The following ZNF608 variants were observed in gnomAD, a reference collection of about 807,000 sequenced individuals.
ZNF608 encodes the protein renal carcinoma antigen NY-REN-36.
Under a neutral mutation model 109.0 loss-of-function variants are expected in ZNF608, and 12 were observed. The observed-to-expected ratio is 0.11, with a 90% CI of 0.07 to 0.18. The LOEUF (loss-of-function observed/expected upper bound fraction) is 0.18. Ranked by LOEUF, ZNF608 falls within the 10% of genes least tolerant of loss-of-function variation. ZNF608 has a pLI of 1.00. For missense variants in ZNF608, 1,707 were observed against 1,879.3 expected, an observed-to-expected ratio of 0.91 and a Z score of 1.70; for synonymous variants, 732 against 717.4, an observed-to-expected ratio of 1.02 and a Z score of -0.33.
intron 3 of ZNF608, among the ~76,000 whole-genome samples, chr5:124,669,176 AG>A (rs1751609462): frequency 6.6e-6 from 1 of 152,160 alleles, no homozygotes; most frequent in Non-Finnish European, 1.5e-5. Flanking sequence ...TTCATAAGAC[AG>A]GGACACGTGG....
intron 3 of ZNF608, among the ~76,000 whole-genome samples, chr5:124,683,069 A>G (rs943773625): frequency 6.6e-6 from 1 of 151,662 alleles, no homozygotes; most frequent in African/African-American, 2.4e-5. Flanking sequence ...CTGGGAAGCA[A>G]GCTGCCATGT....
In ZNF608 at chr5:124,744,561, A is replaced by T; in HGVS notation, c.429T>A (p.Pro143=). Residue 143 remains proline, a synonymous_variant, in exon 2 of 10, where the codon CCT becomes CCA. Coordinates refer to ENST00000513986, the MANE Select transcript of ZNF608 (RefSeq NM_020747.3). This position sits in a 1 kb window ranked among gnomAD's most constrained non-coding sequence, Gnocchi z 4.5. ...TGKRQEVQGR[P]GEATGMNSAL... ...CTGAATTCATGCCAGTTGCCTCTCC[A>T]GGGCGCCCTTGGACTTCCTGCCTCT... The T allele has an allele frequency of 6.2e-7, 1 of 1,614,164 alleles. No homozygotes were observed. The highest frequency in any genetic ancestry group is 8.5e-7 in the Non-Finnish European group (1 of 1,180,030).
intron 2 of ZNF608, among the ~76,000 whole-genome samples, chr5:124,715,790 C>T (rs1336616809): frequency 3.3e-5 from 5 of 152,160 alleles, no homozygotes; most frequent in East Asian, 3.9e-4. Flanking sequence ...ACATATCTTA[C>T]GTAATGAAAA....
chr5:124,717,648 T>C (rs1753756995), intron 2 of ZNF608, among the ~76,000 whole-genome samples: 1 of 152,160 alleles, frequency 6.6e-6, no homozygotes, highest in Admixed American at 6.5e-5. Flanking sequence ...TAAAGAGCAA[T>C]AAAATGAGCT....
chr5:124,728,501 T>A (rs1271444722), intron 2 of ZNF608, among the ~76,000 whole-genome samples: 1 of 152,100 alleles, frequency 6.6e-6, no homozygotes. Context: ...AGGAAGCACC[T>A]TCTCTTGACC....
At position 124,646,993 on chromosome 5, in the gene ZNF608, T is replaced by C. The variant is rs768268162; in HGVS notation, c.3391A>G (p.Ser1131Gly). The stretch of plus-strand genomic sequence containing the variant: ...CCCAGCTCTTTCAAGGGGAGCTCAC[T>C]TTTCCTTTCACAGTCTCCTCTCCCA... Reference protein sequence around the residue: ...QTGRGDCERKSELPLKELGKE... With the variant: ...QTGRGDCERKGELPLKELGKE... The change falls in exon 5 of 10, where the codon AGT becomes GGT. Residue 1131 changes from serine (S) to glycine (G), a missense_variant. Transcript: ENST00000513986. 1 of 1,614,118 alleles carries C rather than the reference T, an allele frequency of 6.2e-7. No individual in the cohort carries two copies. The highest frequency in any genetic ancestry group is 8.5e-7 in the Non-Finnish European group (1 of 1,179,996).
chr5:124,693,972 A>ATTTTTTTTTTTTTTTTTTT (rs1561564262), intron 3 of ZNF608, among the ~76,000 whole-genome samples: 3 of 23,300 alleles, frequency 1.3e-4, no homozygotes, highest in African/African-American at 2.3e-4. Context: ...CATTTCATTA[A>ATTTTTTTTTTTTTTTTTTT]TCTTTTTTTT....
chr5:124,680,800 A>C (rs1324954972), intron 3 of ZNF608, among the ~76,000 whole-genome samples: 3 of 152,224 alleles, frequency 2.0e-5, no homozygotes, highest in Non-Finnish European at 4.4e-5. Context: ...GAGATGCTTC[A>C]TTCATGAAAC....
chr5:124,712,505 T>C (rs1363457430), intron 2 of ZNF608, among the ~76,000 whole-genome samples: 1 of 151,890 alleles, frequency 6.6e-6, no homozygotes, highest in African/African-American at 2.4e-5. Context: ...ACCCCAATAG[T>C]GATGGGGCAC....
intron 2 of ZNF608, among the ~76,000 whole-genome samples, chr5:124,704,535 T>TC (rs1423277006): frequency 2.0e-5 from 3 of 152,218 alleles, no homozygotes; most frequent in Admixed American, 6.5e-5. Context: ...TTACAGCCAC[T>TC]CCCAGAGGTG....
chr5:124,639,126 T>C lies in ZNF608; in HGVS notation c.4532+7A>G, dbSNP rs767899538. The C allele has an allele frequency of 5.2e-5, 84 of 1,613,440 alleles. No homozygotes were observed. Among genetic ancestry groups the C allele is most frequent in the East Asian group, 1.3e-4 (6 of 44,888 alleles). ...TACAACTAATTAAAAATGTAGAGGA[T>C]ATTTACCTTCTTTGTCCAGGAAACA... On this transcript the variant is annotated splice_region_variant and intron_variant, in intron 9 of 9. Coordinates refer to ENST00000513986, the MANE Select transcript of ZNF608 (RefSeq NM_020747.3).
intron 2 of ZNF608, among the ~76,000 whole-genome samples, chr5:124,724,496 C>CAA (rs5871102): frequency 0.088 from 8,749 of 99,802 alleles, 878 homozygotes; most frequent in East Asian, 0.2. Context: ...GCAAAGAGTG[C>CAA]AAAAAAAAAA....
intron 2 of ZNF608, among the ~76,000 whole-genome samples, chr5:124,703,823 T>C (rs1753152594): frequency 6.6e-6 from 1 of 152,146 alleles, no homozygotes; most frequent in African/African-American, 2.4e-5. Context: ...CTAATATTGA[T>C]GACATATCCT....
Position 124,683,222 on chromosome 5 carries a change from C to A in ZNF608, c.1162+17792G>T, listed in dbSNP as rs112852875. Among the ~76,000 whole-genome samples, 1,331 of 152,318 alleles carry A rather than the reference C, an allele frequency of 8.7e-3. 13 individuals are homozygous for A. The highest frequency in any genetic ancestry group is 0.017 in the Middle Eastern group (5 of 294). On this transcript the variant is annotated intron_variant, in intron 3 of 9. Coordinates refer to ENST00000513986, the MANE Select transcript of ZNF608 (RefSeq NM_020747.3). ...GGATGGGGTCTTCAGCTGACAGTAG[C>A]ACCTGCCTACAGCCTGATTGAAACC...
intron 3 of ZNF608, among the ~76,000 whole-genome samples, chr5:124,668,731 G>T (rs959480786): frequency 1.3e-5 from 2 of 152,128 alleles, no homozygotes; most frequent in African/African-American, 2.4e-5. Context: ...CCACGCCCAG[G>T]AGCCTTTCGG....
At chr5:124,695,181 G>A (rs1752798204) in intron 3 of ZNF608, among the ~76,000 whole-genome samples, 1 of 152,086 alleles carries the variant, frequency 6.6e-6, no homozygotes, top group East Asian at 1.9e-4. Flanking sequence ...CTTGGATAGG[G>A]GTAACGAAAT....
chr5:124,715,143 A>T (rs1023890869), intron 2 of ZNF608, among the ~76,000 whole-genome samples: 3 of 152,212 alleles, frequency 2.0e-5, no homozygotes, highest in Non-Finnish European at 4.4e-5. Context: ...GGGGTACTTC[A>T]AGAATTAAAT....
chr5:124,641,316 C>A lies in ZNF608; in HGVS notation c.4386G>T (p.Thr1462=). Residue 1462 remains threonine (T), a synonymous_variant, in exon 8 of 10, where the codon ACG becomes ACT. Transcript: ENST00000513986. ...HSPFGQRHLH[T]HHHTHVGMGY... Reference sequence around the variant, plus strand: ...CCATGCCAACGTGGGTGTGGTGGTGCGTGTGCAGGTGCCGCTGGCCGAAGG... The same window carrying A: ...CCATGCCAACGTGGGTGTGGTGGTGAGTGTGCAGGTGCCGCTGGCCGAAGG... 6.2e-7 allele frequency: 1 copy of A among 1,613,914 alleles called. No homozygotes were observed. Among genetic ancestry groups the A allele is most frequent in the East Asian group, 2.2e-5 (1 of 44,870 alleles).
In ZNF608 at chr5:124,744,846, A is replaced by G; in HGVS notation, c.144T>C (p.Phe48=). The change falls in exon 2 of 10, where the codon TTT becomes TTC. Residue 48 remains phenylalanine, a synonymous_variant. Coordinates refer to ENST00000513986, the MANE Select transcript of ZNF608 (RefSeq NM_020747.3). The surrounding 1 kb of genome is among the most constrained non-coding windows in gnomAD (Gnocchi z 4.5). ...DADLEKDRQK[F]EMNNSTTTTS... ...TGGTGGTGGTGGAATTATTCATCTC[A>G]AATTTCTGTCTGTCCTTCTCCAAAT... 6.2e-7 allele frequency: 1 copy of G among 1,614,160 alleles called. No individual in the cohort carries two copies. The highest frequency in any genetic ancestry group is 8.5e-7 in the Non-Finnish European group (1 of 1,180,014).
Sources: allele counts gnomAD v4.1 joint callset (sites outside exome capture counted in the v4.1 genomes callset), GRCh38; gene constraint gnomAD v4.1.1; non-coding constraint Gnocchi (gnomAD v3.1); transcripts MANE v1.5; gene names NCBI Gene and HGNC (gene_info 2026-07-23, HGNC 2026-07-21).